The following PAX8 variants were observed in gnomAD, a reference collection of about 807,000 sequenced individuals.
PAX8 encodes paired box protein Pax-8.
In PAX8, 15 loss-of-function variants were observed where a neutral mutation model predicts 52.4. The observed-to-expected ratio is 0.29, with a 90% CI of 0.19 to 0.44. The LOEUF is 0.44. Ranked by LOEUF, PAX8 falls within the 20% of genes least tolerant of loss-of-function variation. The probability of loss-of-function intolerance (pLI) is 1.00; values close to 1 mark genes in which losing one functional copy is unlikely to be tolerated. For synonymous variants in PAX8, 284 were observed against 249.7 expected, an observed-to-expected ratio of 1.14 and a Z score of -1.29; for missense variants, 554 against 602.5, an observed-to-expected ratio of 0.92 and a Z score of 0.84.
Position 113,218,274 on chromosome 2 carries a change from G to T in PAX8, c.*259C>A. 1 of 385,106 alleles carries T rather than the reference G, an allele frequency of 2.6e-6. No individual in the cohort carries two copies. The highest frequency in any genetic ancestry group is 4.6e-6 in the Non-Finnish European group (1 of 216,750). 23.9% of individuals were successfully genotyped at this position (385,106 alleles called of 1,614,324 possible). ...GGGGCTACATTTCTTCTTCAATTTT[G>T]TCTTTTTCAGCATGGCATGGTTCTC... On this transcript the variant is annotated 3_prime_UTR_variant, in exon 12 of 12. Coordinates refer to ENST00000429538, the MANE Select transcript of PAX8 (RefSeq NM_003466.4).
chr2:113,229,698 T>C (rs1325533809), intron 9 of PAX8, among the ~76,000 whole-genome samples: 1 of 152,198 alleles, frequency 6.6e-6, no homozygotes, highest in Admixed American at 6.5e-5. Flanking sequence ...GCAGAAGCTA[T>C]ACTGAGATAA....
At chr2:113,269,277 CT>C (rs1401455958) in intron 2 of PAX8, 1 of 152,262 alleles carries the variant, frequency 6.6e-6, no homozygotes, top group Admixed American at 6.5e-5. Context: ...ATGGAGCACA[CT>C]GGCTCTGGAA....
chr2:113,256,628 ATATGTG>A (rs1381346482), intron 2 of PAX8, among the ~76,000 whole-genome samples: 10 of 130,290 alleles, frequency 7.7e-5, no homozygotes, highest in South Asian at 2.6e-4. Flanking sequence ...ATATATATAT[ATATGTG>A]TGTGTGTGTG....
Position 113,242,735 on chromosome 2 carries a change from C to G in PAX8, c.433G>C (p.Asp145His), listed in dbSNP as rs1455711098. The change falls in exon 5 of 12, where the codon GAC (aspartate) becomes CAC (histidine). Residue 145 changes from aspartate to histidine, a missense_variant. By Grantham distance (81) the Asp-to-His change is moderately conservative. This residue lies in a region of PAX8 where 445 missense variants were observed against 409.9 expected (regional missense o/e 1.09). Transcript: ENST00000429538. ...AGGGACTTGGTGGCCACGCAGCTGT[C>G]CATAGGGAGGTTGAATGGTTGCTGC... ...KVQQPFNLPM[D>H]SCVATKSLSP... is the part of the protein sequence containing the mutation. The G allele has an allele frequency of 1.2e-6, 2 of 1,613,886 alleles. No individual in the cohort carries two copies. Among genetic ancestry groups the G allele is most frequent in the Non-Finnish European group, 1.7e-6 (2 of 1,179,906 alleles).
chr2:113,263,238 G>A (rs1692818731), intron 2 of PAX8: 1 of 152,392 alleles, frequency 6.6e-6, no homozygotes, highest in African/African-American at 2.4e-5. Context: ...CTTGCATCAT[G>A]TGGCAATGTT....
intron 2 of PAX8, among the ~76,000 whole-genome samples, chr2:113,251,551 A>G (rs1691766641): frequency 6.6e-6 from 1 of 152,202 alleles, no homozygotes; most frequent in Non-Finnish European, 1.5e-5. Flanking sequence ...GGGAAATGCA[A>G]GCTTTCCTGG....
chr2:113,235,719 G>C, intron 8 of PAX8, 137 bp from the exon 9 acceptor site: 1 of 649,084 alleles, frequency 1.5e-6, no homozygotes, highest in Non-Finnish European at 2.6e-6. Context: ...GTCTGGGCTG[G>C]GGAGAGCCGG....
At chr2:113,268,338 G>A (rs1168062684) in intron 2 of PAX8, 1 of 152,404 alleles carries the variant, frequency 6.6e-6, no homozygotes, top group African/African-American at 2.4e-5. Flanking sequence ...ACAGGGTCAT[G>A]GAAAGAGTCC....
chr2:113,243,271 A>G (rs1000299314), intron 4 of PAX8, among the ~76,000 whole-genome samples: 1 of 152,242 alleles, frequency 6.6e-6, no homozygotes, highest in Non-Finnish European at 1.5e-5. Flanking sequence ...CCATTGCTTT[A>G]TGACCAAAGG....
chr2:113,225,301 G>A (rs1222423370), intron 10 of PAX8, among the ~76,000 whole-genome samples: 1 of 152,194 alleles, frequency 6.6e-6, no homozygotes, highest in Non-Finnish European at 1.5e-5. Flanking sequence ...CATGAATGCA[G>A]TAGGTGTTCG....
chr2:113,248,215 T>G (rs1437351590), intron 2 of PAX8, among the ~76,000 whole-genome samples: 1 of 152,234 alleles, frequency 6.6e-6, no homozygotes, highest in Non-Finnish European at 1.5e-5. Context: ...CAGAGAGTTT[T>G]AGTGCTCTGA....
chr2:113,229,889 G>A (rs183288142), intron 9 of PAX8, among the ~76,000 whole-genome samples: 9 of 152,174 alleles, frequency 5.9e-5, no homozygotes, highest in Non-Finnish European at 5.9e-5. Context: ...AGGTGGTGGC[G>A]GATTCAGGCC....
At chr2:113,249,932 G>T (rs1412692558) in intron 2 of PAX8, among the ~76,000 whole-genome samples, 1 of 151,942 alleles carries the variant, frequency 6.6e-6, no homozygotes. Context: ...ATCGAATGGA[G>T]CTTAACAAAA....
chr2:113,224,226 A>G (rs1207163387), intron 10 of PAX8, among the ~76,000 whole-genome samples: 1 of 152,044 alleles, frequency 6.6e-6, no homozygotes, highest in Non-Finnish European at 1.5e-5. Context: ...TGGATGATAG[A>G]TAACTGAAAA....
intron 2 of PAX8, among the ~76,000 whole-genome samples, chr2:113,251,241 TC>T (rs1163881583): frequency 6.6e-6 from 1 of 152,136 alleles, no homozygotes; most frequent in East Asian, 1.9e-4. Context: ...GGTGCAGACT[TC>T]CTTCCTGCAC....
chr2:113,242,072 G>T lies in PAX8; in HGVS notation c.537C>A (p.Thr179=). The change falls in exon 6 of 12, where the codon ACC becomes ACA. Residue 179 remains threonine (T), a synonymous_variant. Coordinates refer to ENST00000429538, the MANE Select transcript of PAX8 (RefSeq NM_003466.4). ...TGCCCAGGAGCCCATTGATGGAGTAGGTGGAGCCCAGGGAATCCGACTGGG... is the reference window on the plus strand; with the variant it reads ...TGCCCAGGAGCCCATTGATGGAGTATGTGGAGCCCAGGGAATCCGACTGGG... ...ESPQSDSLGS[T]YSINGLLGIA... 1 of 1,613,716 alleles carries T rather than the reference G, an allele frequency of 6.2e-7. No individual in the cohort carries two copies. Among genetic ancestry groups the T allele is most frequent in the Non-Finnish European group, 8.5e-7 (1 of 1,179,738 alleles).
intron 10 of PAX8, chr2:113,226,306 C>G: frequency 3.0e-6 from 3 of 985,552 alleles, no homozygotes; most frequent in Non-Finnish European, 3.6e-6. Context: ...GTGTTCAGAG[C>G]TCTTTCCAGA....
At chr2:113,242,528 C>T (rs137978499) in intron 5 of PAX8, among the ~76,000 whole-genome samples, 162 bp downstream of exon 5, 3 of 152,182 alleles carry the variant, frequency 2.0e-5, no homozygotes, top group Non-Finnish European at 4.4e-5. Context: ...GGCCAGACTT[C>T]GTCGCAGTGG....
intron 10 of PAX8, among the ~76,000 whole-genome samples, chr2:113,224,582 A>G (rs1479935927): frequency 6.6e-6 from 1 of 151,118 alleles, no homozygotes; most frequent in Non-Finnish European, 1.5e-5. Context: ...ATGGATGGAA[A>G]GATGGAAGGA....
Sources: allele counts gnomAD v4.1 joint callset (sites outside exome capture counted in the v4.1 genomes callset), GRCh38; gene constraint gnomAD v4.1.1; regional missense constraint gnomAD v4.1.1; transcripts MANE v1.5; gene names NCBI Gene and HGNC (gene_info 2026-07-23, HGNC 2026-07-21).